HLA-DRB5: variants seen among roughly 807,000 people sequenced by gnomAD.
HLA-DRB5 encodes DR beta-5.
HLA-DRB5 carries 11 observed loss-of-function variants against 22.4 expected under a neutral mutation model. The ratio of observed to expected loss-of-function variants is 0.49; its 90% CI spans 0.31 to 0.81. HLA-DRB5 has a LOEUF of 0.81. Among genes scored for constraint, HLA-DRB5 ranks in the 40% least tolerant of loss-of-function variants. The probability of loss-of-function intolerance (pLI) is 0.05; values close to 1 mark genes in which losing one functional copy is unlikely to be tolerated. For synonymous variants in HLA-DRB5, 57 were observed against 106.0 expected (o/e 0.54, Z 2.84); for missense variants, 106 against 274.4 (o/e 0.39, Z 4.34).
In HLA-DRB5 at chr6:32,527,957, A is replaced by T. The variant is rs1769799957; in HGVS notation, c.100+2168T>A. 5.5e-5 allele frequency among the ~76,000 whole-genome samples: 2 copies of T among 36,552 alleles called. 1 individual carries two copies. 24.0% of individuals were successfully genotyped at this position (36,552 alleles called of 152,430 possible). Reference sequence around the variant, plus strand: ...TTCTTACCATGGACATCAGAGCCTGATATGAGGCTCCCGACTTCCTCTCTG... The same window carrying T: ...TTCTTACCATGGACATCAGAGCCTGTTATGAGGCTCCCGACTTCCTCTCTG... On this transcript the variant is annotated intron_variant, in intron 1 of 5. Transcript: ENST00000374975.
chr6:32,520,679 T>G (rs1170271285), intron 2 of HLA-DRB5, among the ~76,000 whole-genome samples: 6 of 71,586 alleles, frequency 8.4e-5, no homozygotes, highest in South Asian at 4.1e-4. Context: ...TAAATACATT[T>G]TTTTTAAGAA....
intron 1 of HLA-DRB5, 51 bp from the exon 2 acceptor site, chr6:32,522,225 C>G (rs1451072213): frequency 1.5e-6 from 1 of 654,706 alleles, no homozygotes; most frequent in East Asian, 3.8e-5. Context: ...GGGGAAGATA[C>G]TGACAGAGAC....
intron 1 of HLA-DRB5, among the ~76,000 whole-genome samples, chr6:32,529,041 AAAT>A (rs1287711848): frequency 0.17 from 21,739 of 127,202 alleles, 4 homozygotes; most frequent in East Asian, 0.22. Context: ...AGCTGGGGAA[AAAT>A]AGAGAGAAAC....
intron 1 of HLA-DRB5, among the ~76,000 whole-genome samples, chr6:32,527,008 G>A (rs1416379244): frequency 0.041 from 1,109 of 27,246 alleles, 96 homozygotes; most frequent in Admixed American, 0.049. Context: ...TTAGGAATAA[G>A]CTTGATATTT....
At chr6:32,525,525 G>A (rs1769495196) in intron 1 of HLA-DRB5, among the ~76,000 whole-genome samples, 3 of 124,638 alleles carry the variant, frequency 2.4e-5, no homozygotes, top group Admixed American at 1.7e-4. Flanking sequence ...AAAACAGAGG[G>A]CAGAAACACT....
intron 2 of HLA-DRB5, among the ~76,000 whole-genome samples, chr6:32,520,126 A>C (rs1199145554): frequency 1.7e-3 from 83 of 48,242 alleles, no homozygotes; most frequent in Admixed American, 2.3e-3. Flanking sequence ...CAATGACTGA[A>C]GATAGCCTTT....
At position 32,519,704 on chromosome 6, in the gene HLA-DRB5, CCT is replaced by C. The variant is rs1562426186; in HGVS notation, c.371-55_371-54del. 760 of 512,578 alleles carry C rather than the reference CCT, an allele frequency of 1.5e-3. 23 individuals are homozygous for C. Among genetic ancestry groups the C allele is most frequent in the Admixed American group, 3.8e-3 (71 of 18,530 alleles). 31.8% of individuals were successfully genotyped at this position (512,578 alleles called of 1,614,324 possible). A position where few individuals can be genotyped will look rare whatever the true frequency, so the allele number is the denominator to read the frequency against. On this transcript the variant is annotated intron_variant, in intron 2 of 5. Coordinates refer to ENST00000374975, the MANE Select transcript of HLA-DRB5 (RefSeq NM_002125.4). ...GACTCAGGAAGACAGAGTGAATCTC[CCT>C]TTTTGGCTGTTTGTCTGCTTCTCTG...
At position 32,521,997 on chromosome 6, in the gene HLA-DRB5, T is replaced by C. The variant is rs1768971773; in HGVS notation, c.278A>G (p.Gln93Arg). ...GRPDAEYWNSQKDFLEDRRAA... is the reference protein window; with the variant it reads ...GRPDAEYWNSRKDFLEDRRAA... Reference sequence around the variant, plus strand: ...GCGCCTGTCTTCCAGGAAGTCCTTCTGGCTGTTCCAGTACTCAGCGTCAGG... The same window carrying C: ...GCGCCTGTCTTCCAGGAAGTCCTTCCGGCTGTTCCAGTACTCAGCGTCAGG... The change falls in exon 2 of 6, where the codon CAG (glutamine) becomes CGG (arginine). Residue 93 changes from glutamine to arginine, a missense_variant. Transcript: ENST00000374975. 5 of 1,513,170 alleles carry C rather than the reference T, an allele frequency of 3.3e-6. No homozygotes were observed. Among genetic ancestry groups the C allele is most frequent in the Admixed American group, 1.8e-5 (1 of 56,998 alleles). 93.7% of individuals were successfully genotyped at this position (1,513,170 alleles called of 1,614,324 possible).
At chr6:32,525,207 T>C (rs1342081302) in intron 1 of HLA-DRB5, among the ~76,000 whole-genome samples, 2 of 48,022 alleles carry the variant, frequency 4.2e-5, no homozygotes, top group Admixed American at 2.8e-4. Context: ...TCAGAAAATA[T>C]GAATTGAAAT....
intron 1 of HLA-DRB5, among the ~76,000 whole-genome samples, chr6:32,526,150 A>AGGATCCAATCCAGTTT (rs1769602734): frequency 5.1e-5 from 5 of 98,898 alleles, no homozygotes; most frequent in Non-Finnish European, 1.0e-4. Context: ...CGCTCTTCAA[A>AGGATCCAATCCAGTTT]TGGTCCAATC....
intron 2 of HLA-DRB5, among the ~76,000 whole-genome samples, chr6:32,520,632 A>G: frequency 9.8e-6 from 1 of 101,754 alleles, no homozygotes; most frequent in Non-Finnish European, 2.0e-5. Context: ...TGGGGTGCTT[A>G]TGCCTAGGAA....
intron 1 of HLA-DRB5, among the ~76,000 whole-genome samples, chr6:32,529,352 T>C (rs1487100430): frequency 3.7e-4 from 15 of 40,606 alleles, no homozygotes; most frequent in Admixed American, 1.6e-3. Context: ...AGTTAGAGCA[T>C]GTAGGAGATA....
chr6:32,522,902 G>A (rs183801839), intron 1 of HLA-DRB5, among the ~76,000 whole-genome samples: 2,519 of 29,604 alleles, frequency 0.085, 751 homozygotes, highest in Middle Eastern at 0.11. Context: ...GTCTGTTTGG[G>A]CAAAACGGGG....
At chr6:32,525,992 C>T (rs538804664) in intron 1 of HLA-DRB5, among the ~76,000 whole-genome samples, 2,631 of 58,740 alleles carry the variant, frequency 0.045, 3 homozygotes, top group Admixed American at 0.077. Flanking sequence ...AATGACCGAG[C>T]ATCTCTGGTT....
Position 32,530,247 on chromosome 6 carries a change from G to T in HLA-DRB5, c.-23C>A. 7.1e-7 allele frequency: 1 copy of T among 1,403,974 alleles called. No individual in the cohort carries two copies. The highest frequency in any genetic ancestry group is 9.9e-7 in the Non-Finnish European group (1 of 1,008,930). The allele number at this position is 1,403,974 out of a possible 1,614,324, so 87.0% of individuals were successfully genotyped here. A position where few individuals can be genotyped will look rare whatever the true frequency, so the allele number is the denominator to read the frequency against. On this transcript the variant is annotated 5_prime_UTR_variant, in exon 1 of 6. It adds an upstream start codon to the 5' untranslated region. Coordinates refer to ENST00000374975, the MANE Select transcript of HLA-DRB5 (RefSeq NM_002125.4). ...CATGCTGGAGAACAGGACAGGACCA[G>T]GGGCCAGAGGAGCAGGCAAGTCTCA...
chr6:32,523,532 C>G (rs73726182), intron 1 of HLA-DRB5, among the ~76,000 whole-genome samples: 706 of 29,482 alleles, frequency 0.024, 197 homozygotes, highest in Non-Finnish European at 0.025. Flanking sequence ...ACAGAAATCT[C>G]AGGCATGTTA....
chr6:32,528,348 C>T (rs1268657897), intron 1 of HLA-DRB5, among the ~76,000 whole-genome samples: 16,874 of 87,954 alleles, frequency 0.19, 75 homozygotes, highest in Admixed American at 0.23. Flanking sequence ...AGAGTCGGGA[C>T]CCTCTCTATC....
chr6:32,529,309 C>A (rs373964410), intron 1 of HLA-DRB5, among the ~76,000 whole-genome samples: 4,329 of 54,986 alleles, frequency 0.079, 6 homozygotes, highest in Middle Eastern at 0.2. Context: ...TATAATTTGT[C>A]CTATGTTAGT....
At chr6:32,519,034 C>A (rs1054959871) in intron 3 of HLA-DRB5, among the ~76,000 whole-genome samples, 5,669 of 51,774 alleles carry the variant, frequency 0.11, no homozygotes, top group Non-Finnish European at 0.13. Context: ...TCCCAGATCA[C>A]AACAAATAAC....
Sources: gnomAD v4.1 joint callset for allele counts (sites outside exome capture counted in the v4.1 genomes callset) on GRCh38, gnomAD v4.1.1 for gene constraint, MANE v1.5 for transcripts, NCBI Gene and HGNC (gene_info 2026-07-23, HGNC 2026-07-21) for gene names.